The following IQCM variants were observed in gnomAD, a reference collection of about 807,000 sequenced individuals.
The protein encoded by IQCM is IQ domain-containing protein M.
A neutral mutation model predicts 57.6 loss-of-function variants in IQCM; 45 were observed. The observed-to-expected ratio is 0.78, with a 90% CI of 0.62 to 1.00. IQCM has a LOEUF of 1.00. Ranked by LOEUF, IQCM falls within the 50% of genes least tolerant of loss-of-function variation. The pLI is 0.00. For synonymous variants in IQCM, 148 were observed against 158.9 expected (o/e 0.93, Z 0.51); for missense variants, 468 against 511.6 (o/e 0.91, Z 0.82).
intron 12 of IQCM, among the ~76,000 whole-genome samples, chr4:149,446,736 C>G (rs1323276778): frequency 6.6e-6 from 1 of 151,330 alleles, no homozygotes; most frequent in Non-Finnish European, 1.5e-5. Flanking sequence ...TGAAGCATTC[C>G]TTCATTAGAA....
chr4:149,483,876 C>A (rs1271381827), intron 12 of IQCM, among the ~76,000 whole-genome samples: 1 of 151,904 alleles, frequency 6.6e-6, no homozygotes, highest in Non-Finnish European at 1.5e-5. Flanking sequence ...GTGTTGAGGT[C>A]TCCAGCTGTT....
At chr4:149,750,855 A>G (rs1768371591) in intron 2 of IQCM, among the ~76,000 whole-genome samples, 2 of 152,256 alleles carry the variant, frequency 1.3e-5, no homozygotes, top group Non-Finnish European at 2.9e-5. Context: ...TTAGAGGCCA[A>G]AACTGTTCAA....
rs527760758 is a variant in IQCM at position 149,506,801 on chromosome 4, G to A, written c.1228+41654C>T. ...TCCCAATAACATCAGCCATTGCCTG[G>A]TTACCTCTTATCTCCCCTTCCTGCT... On this transcript the variant is annotated intron_variant, in intron 12 of 13. Transcript: ENST00000636793. 7.9e-5 allele frequency among the ~76,000 whole-genome samples: 12 copies of A among 152,216 alleles called. No homozygotes were observed. The East Asian group carries it at 2.3e-3, about 29-fold the overall frequency.
At chr4:149,588,440 CA>C in intron 8 of IQCM, among the ~76,000 whole-genome samples, 1 of 151,904 alleles carries the variant, frequency 6.6e-6, no homozygotes, top group East Asian at 2.0e-4. Flanking sequence ...ATTTGGCTCT[CA>C]AAAACCTAAC....
chr4:149,588,637 A>G (rs997271253), intron 8 of IQCM, among the ~76,000 whole-genome samples: 1 of 151,878 alleles, frequency 6.6e-6, no homozygotes, highest in African/African-American at 2.4e-5. Flanking sequence ...GATACCCAAG[A>G]AAAGGCCACG....
At chr4:149,520,896 C>CT (rs900062886) in intron 12 of IQCM, among the ~76,000 whole-genome samples, 2 of 152,100 alleles carry the variant, frequency 1.3e-5, no homozygotes, top group African/African-American at 4.8e-5. Context: ...CCAATAGGAA[C>CT]TGCACTCTCT....
intron 2 of IQCM, among the ~76,000 whole-genome samples, chr4:149,782,378 A>T (rs1006714479): frequency 6.6e-6 from 1 of 152,174 alleles, no homozygotes; most frequent in Admixed American, 6.5e-5. Context: ...ATAAAACAAG[A>T]ACTCAAAAAT....
chr4:149,549,497 G>A (rs1027084105), intron 11 of IQCM, among the ~76,000 whole-genome samples: 1 of 152,092 alleles, frequency 6.6e-6, no homozygotes, highest in African/African-American at 2.4e-5. Flanking sequence ...CAGCCTGGGC[G>A]ACAGAGCGAG....
intron 12 of IQCM, among the ~76,000 whole-genome samples, chr4:149,487,817 G>T (rs1741682822): frequency 6.6e-6 from 1 of 152,122 alleles, no homozygotes; most frequent in Non-Finnish European, 1.5e-5. Flanking sequence ...GGAGATGGGG[G>T]TGAGTGATAC....
At chr4:149,414,912 C>T (rs1733637301) in intron 13 of IQCM, among the ~76,000 whole-genome samples, 2 of 152,032 alleles carry the variant, frequency 1.3e-5, no homozygotes, top group South Asian at 2.1e-4. Flanking sequence ...GTAAAAAACC[C>T]TCTCTGGCTT....
chr4:149,432,672 A>T (rs1179598573), intron 13 of IQCM, among the ~76,000 whole-genome samples: 1 of 152,000 alleles, frequency 6.6e-6, no homozygotes, highest in Non-Finnish European at 1.5e-5. Context: ...TCTTCAAAAG[A>T]TACTATTAAA....
chr4:149,718,552 C>T (rs190159820), intron 5 of IQCM, among the ~76,000 whole-genome samples: 1 of 152,192 alleles, frequency 6.6e-6, no homozygotes, highest in Admixed American at 6.5e-5. Context: ...TTGAAATGTA[C>T]TTTCAGAAGT....
At chr4:149,720,710 C>T (rs1258511266) in intron 5 of IQCM, among the ~76,000 whole-genome samples, 1 of 152,108 alleles carries the variant, frequency 6.6e-6, no homozygotes, top group Non-Finnish European at 1.5e-5. Context: ...AGAAATACAG[C>T]AATCTAAACC....
chr4:149,671,272 A>T (rs1412856728), intron 7 of IQCM, among the ~76,000 whole-genome samples: 1 of 152,114 alleles, frequency 6.6e-6, no homozygotes, highest in Non-Finnish European at 1.5e-5. Context: ...ATTTGCGTAG[A>T]GATGTTTATA....
intron 12 of IQCM, among the ~76,000 whole-genome samples, chr4:149,438,630 A>G (rs917309962): frequency 6.6e-6 from 1 of 152,084 alleles, no homozygotes; most frequent in Non-Finnish European, 1.5e-5. Flanking sequence ...GTAATATTTA[A>G]AAACGAGGAT....
intron 6 of IQCM, among the ~76,000 whole-genome samples, chr4:149,682,445 A>G (rs1561150544): frequency 6.6e-6 from 1 of 151,122 alleles, no homozygotes; most frequent in African/African-American, 2.4e-5. Flanking sequence ...TTGCTTTCCA[A>G]ATGAGCCCAA....
chr4:149,368,888 A>ATGTATATATATACACGTGTATATATATG lies in IQCM; in HGVS notation c.1391-16850_1391-16823dup, dbSNP rs1560779389. On this transcript the variant is annotated intron_variant, in intron 13 of 13. Coordinates refer to ENST00000636793, the MANE Select transcript of IQCM (RefSeq NM_001363507.2). ...TATACATATATACACGTGTATATAT[A>ATGTATATATATACACGTGTATATATATG]TGTATATATATACACGTGTATATAT... Among the ~76,000 whole-genome samples, 37 of 60,658 alleles carry ATGTATATATATACACGTGTATATATATG rather than the reference A, an allele frequency of 6.1e-4. 3 individuals carry two copies. The highest frequency in any genetic ancestry group is 1.3e-3 in the African/African-American group (19 of 14,334). The allele number at this position is 60,658 out of a possible 152,430, so 39.8% of individuals were successfully genotyped here.
intron 12 of IQCM, among the ~76,000 whole-genome samples, chr4:149,505,482 T>G (rs745905749): frequency 1.3e-4 from 20 of 152,222 alleles, no homozygotes; most frequent in Non-Finnish European, 2.6e-4. Flanking sequence ...CCAAAACTTG[T>G]ATTTTTTAAA....
rs564815563 is a variant in IQCM, at chr4:149,433,647, C to T, written c.1229-90G>A. ...TTAAGGGATGCAAATTAAAAACTAA[C>T]ATTTGGATACAACAGGTCACACTGA... On this transcript the variant is annotated intron_variant, in intron 12 of 13. Coordinates refer to ENST00000636793, the MANE Select transcript of IQCM (RefSeq NM_001363507.2). The T allele has an allele frequency of 8.3e-4, 379 of 456,324 alleles. 4 individuals carry two copies. The highest frequency in any genetic ancestry group is 7.1e-3 in the African/African-American group (355 of 49,674). 28.3% of individuals were successfully genotyped at this position (456,324 alleles called of 1,614,324 possible). A position where few individuals can be genotyped will look rare whatever the true frequency, so the allele number is the denominator to read the frequency against.
Sources: allele counts gnomAD v4.1 joint callset (sites outside exome capture counted in the v4.1 genomes callset), GRCh38; gene constraint gnomAD v4.1.1; transcripts MANE v1.5; gene names NCBI Gene and HGNC (gene_info 2026-07-23, HGNC 2026-07-21).